DLC1: variants seen among roughly 807,000 people sequenced by gnomAD.
DLC1 encodes rho GTPase-activating protein 7.
Under a neutral mutation model 140.3 loss-of-function variants are expected in DLC1, and 54 were observed. The ratio of observed to expected loss-of-function variants is 0.38; its 90% confidence interval spans 0.31 to 0.48. The LOEUF is 0.48. Among genes scored for constraint, DLC1 ranks in the 20% least tolerant of loss-of-function variants. The pLI, the probability that DLC1 is intolerant of heterozygous loss-of-function variation, is 0.96. For missense variants in DLC1, 2,536 were observed against 1,907.0 expected (o/e 1.33, Z -6.14); for synonymous variants, 986 against 728.1 (o/e 1.35, Z -5.70).
chr8:13,202,242 C>T (rs1827429268), intron 5 of DLC1, among the ~76,000 whole-genome samples: 1 of 152,022 alleles, frequency 6.6e-6, no homozygotes, highest in Non-Finnish European at 1.5e-5. Flanking sequence ...CTGTGCCAGG[C>T]CTCAATAGGG....
intron 1 of DLC1, among the ~76,000 whole-genome samples, chr8:13,513,433 C>T (rs1802464138): frequency 6.6e-6 from 1 of 151,996 alleles, no homozygotes; most frequent in African/African-American, 2.4e-5. Context: ...TTGAGAATAG[C>T]TAATATAGCA....
intron 1 of DLC1, among the ~76,000 whole-genome samples, chr8:13,592,002 T>C (rs767103087): frequency 7.2e-5 from 11 of 152,012 alleles, no homozygotes; most frequent in Non-Finnish European, 1.3e-4. Context: ...GAGGTTGCAA[T>C]CAGATATGGA....
chr8:13,505,966 A>G (rs1423038485), intron 1 of DLC1, among the ~76,000 whole-genome samples: 1 of 152,228 alleles, frequency 6.6e-6, no homozygotes, highest in Admixed American at 6.5e-5. Context: ...CCTCACTCAC[A>G]GTACTTGGAA....
At chr8:13,525,487 T>C (rs1248227196) in intron 1 of DLC1, among the ~76,000 whole-genome samples, 2 of 152,218 alleles carry the variant, frequency 1.3e-5, no homozygotes, top group African/African-American at 4.8e-5. Context: ...TACACATGCA[T>C]GCCAACAGTT....
chr8:13,103,499 A>G lies in DLC1; in HGVS notation c.1503-646T>C, dbSNP rs1414888845. Among the ~76,000 whole-genome samples, 8 of 151,692 alleles carry G rather than the reference A, an allele frequency of 5.3e-5. No individual in the cohort carries two copies. In the East Asian group the frequency reaches 1.6e-3, roughly 30 times the overall value. On this transcript the variant is annotated intron_variant, in intron 7 of 17. Coordinates refer to ENST00000276297, the MANE Select transcript of DLC1 (RefSeq NM_182643.3). ...ACTAAGAAAAATCATTCTTCCAATA[A>G]CTCTTAGGTTGAGCCATTATGGACT...
intron 4 of DLC1, among the ~76,000 whole-genome samples, chr8:13,346,886 T>G (rs12681630): frequency 0.31 from 46,948 of 152,142 alleles, 8,032 homozygotes; most frequent in East Asian, 0.4. Flanking sequence ...ATCCATGGTT[T>G]CACTTTCTCC....
intron 5 of DLC1, among the ~76,000 whole-genome samples, chr8:13,168,055 T>C (rs1381408142): frequency 2.0e-5 from 3 of 152,212 alleles, no homozygotes; most frequent in African/African-American, 7.2e-5. Context: ...AGAATCAGGC[T>C]AGATGTTGTC....
chr8:13,524,490 G>T (rs76548190), intron 1 of DLC1, among the ~76,000 whole-genome samples: 3,370 of 151,990 alleles, frequency 0.022, 69 homozygotes, highest in Non-Finnish European at 0.035. Flanking sequence ...AATTTGTACC[G>T]TAATAGTCTA....
intron 1 of DLC1, among the ~76,000 whole-genome samples, chr8:13,533,365 A>G (rs192674867): frequency 4.1e-4 from 63 of 152,288 alleles, no homozygotes; most frequent in Middle Eastern, 6.8e-3. Flanking sequence ...AGTAATTAAG[A>G]TATTTTGAAG....
intron 5 of DLC1, among the ~76,000 whole-genome samples, chr8:13,181,714 A>G (rs984188386): frequency 2.4e-4 from 37 of 152,028 alleles, no homozygotes; most frequent in African/African-American, 8.9e-4. Flanking sequence ...TATGTGCCAC[A>G]TTTTCTTAAT....
rs950584852 is a variant in DLC1 at position 13,566,617 on chromosome 8, T to A, written c.-126+37920A>T. On this transcript the variant is annotated intron_variant, in intron 1 of 1. Coordinates refer to the DLC1 transcript ENST00000631382. The stretch of plus-strand genomic sequence containing the variant: ...GTCACAGGCCACCTAACTCTATTGG[T>A]CTCACACACGTGTGCCACCTGTCTG... 2.6e-5 allele frequency among the ~76,000 whole-genome samples: 4 copies of A among 152,194 alleles called. No individual in the cohort carries two copies. The South Asian group carries it at 8.3e-4, about 31-fold the overall frequency.
At chr8:13,465,823 A>G (rs1330449679) in intron 2 of DLC1, among the ~76,000 whole-genome samples, 3 of 152,000 alleles carry the variant, frequency 2.0e-5, no homozygotes, top group Non-Finnish European at 4.4e-5. Flanking sequence ...TGCCCCTCCA[A>G]TGCCTCTCAT....
At chr8:13,458,431 T>A (rs568680546) in intron 2 of DLC1, among the ~76,000 whole-genome samples, 2 of 152,336 alleles carry the variant, frequency 1.3e-5, no homozygotes, top group East Asian at 3.9e-4. Flanking sequence ...AAGTTTTGAT[T>A]TTTTTGGAGC....
Position 13,523,766 on chromosome 8 carries a change from A to G in DLC1, c.-125-23570T>C, listed in dbSNP as rs1384713043. ...GATTGGAGACACAAATAAAGGAGAG[A>G]AAATACATGGCATGGTAACTATCTG... On this transcript the variant is annotated intron_variant, in intron 1 of 1. Transcript: ENST00000631382. Among the ~76,000 whole-genome samples the G allele has an allele frequency of 3.9e-5, 6 of 152,290 alleles. No homozygotes were observed. The East Asian group carries it at 1.2e-3, about 29-fold the overall frequency.
intron 1 of DLC1, among the ~76,000 whole-genome samples, chr8:13,546,617 A>T (rs574388748): frequency 2.6e-5 from 4 of 152,272 alleles, no homozygotes; most frequent in East Asian, 3.9e-4. Context: ...ATGTAAATGA[A>T]GGAAAAACCA....
At chr8:13,346,425 G>A (rs1289804799) in intron 4 of DLC1, among the ~76,000 whole-genome samples, 2 of 152,186 alleles carry the variant, frequency 1.3e-5, no homozygotes, top group African/African-American at 2.4e-5. Context: ...GTTGTCGTCC[G>A]AATGTTCACT....
At chr8:13,348,949 T>C (rs371920180) in intron 4 of DLC1, among the ~76,000 whole-genome samples, 14 of 152,166 alleles carry the variant, frequency 9.2e-5, no homozygotes, top group African/African-American at 3.4e-4. Context: ...GCTCAGAAAT[T>C]GGAGGCAGCA....
chr8:13,276,205 A>G, intron 5 of DLC1: 1 of 1,526,822 alleles, frequency 6.5e-7, no homozygotes, highest in Non-Finnish European at 8.8e-7. Flanking sequence ...TTCGCAGTAA[A>G]TTGTTTTCTT....
chr8:13,511,472 G>A (rs1411704569), intron 1 of DLC1, among the ~76,000 whole-genome samples: 2 of 151,950 alleles, frequency 1.3e-5, no homozygotes, highest in Non-Finnish European at 2.9e-5. Context: ...TTAAAAATTA[G>A]CCCATTTATT....
Sources: gnomAD v4.1 joint callset for allele counts (sites outside exome capture counted in the v4.1 genomes callset) on GRCh38, gnomAD v4.1.1 for gene constraint, MANE v1.5 for transcripts, NCBI Gene and HGNC (gene_info 2026-07-23, HGNC 2026-07-21) for gene names.